Variants in ALK observed in about 807,000 individuals in gnomAD.
ALK encodes ALK tyrosine kinase receptor.
Under a neutral mutation model 163.1 loss-of-function variants are expected in ALK, and 74 were observed. The ratio of observed to expected loss-of-function variants is 0.45; its 90% confidence interval spans 0.38 to 0.55. The LOEUF is 0.55. Ranked by LOEUF, ALK falls within the 20% of genes least tolerant of loss-of-function variation. The pLI, the probability that ALK is intolerant of heterozygous loss-of-function variation, is 0.00. For missense variants in ALK, 2,063 were observed against 2,105.3 expected (o/e 0.98, Z 0.39); for synonymous variants, 960 against 843.2 (o/e 1.14, Z -2.40).
intron 5 of ALK, among the ~76,000 whole-genome samples, chr2:29,378,962 C>T (rs1298686167): frequency 6.6e-6 from 1 of 152,214 alleles, no homozygotes; most frequent in Non-Finnish European, 1.5e-5. Context: ...ATCCACCCAC[C>T]TTGGCCTCCC....
In ALK at chr2:29,920,633, G is replaced by C. The variant is rs4358080; in HGVS notation, c.27C>G (p.Leu9=). The C allele has an allele frequency of 0.91, 1,396,095 of 1,541,888 alleles. 632,759 individuals are homozygous for C. The highest frequency in any genetic ancestry group is 1 in the East Asian group (41,256 of 41,274). ...CTGCCGTGGAAAGCAGCAGCGGCAG[G>C]AGCCACAGGAGCCCGATGGCTCCCA... MGAIGLLW[L]LPLLLSTAAV... is the part of the protein sequence containing the mutation. The change falls in exon 1 of 29, where the codon CTC becomes CTG. Residue 9 remains leucine (L), a synonymous_variant. Coordinates refer to ENST00000389048, the MANE Select transcript of ALK (RefSeq NM_004304.5).
intron 8 of ALK, among the ~76,000 whole-genome samples, chr2:29,297,445 T>C (rs532457082): frequency 1.9e-4 from 29 of 152,348 alleles, no homozygotes; most frequent in Admixed American, 8.5e-4. Flanking sequence ...ATTTACTTTG[T>C]GACCTTGGAC....
chr2:29,776,263 T>C (rs1222874826), intron 1 of ALK, among the ~76,000 whole-genome samples: 2 of 146,444 alleles, frequency 1.4e-5, no homozygotes, highest in Non-Finnish European at 3.0e-5. Context: ...AGCTTCTTAC[T>C]CCCACAAGAC....
chr2:29,358,860 C>G (rs900886361), intron 5 of ALK, among the ~76,000 whole-genome samples: 1 of 152,118 alleles, frequency 6.6e-6, no homozygotes, highest in Non-Finnish European at 1.5e-5. Flanking sequence ...TACTACCTTA[C>G]CAGCTCTGTG....
intron 1 of ALK, among the ~76,000 whole-genome samples, chr2:29,738,407 G>C (rs970342941): frequency 3.3e-5 from 5 of 152,016 alleles, no homozygotes; most frequent in Non-Finnish European, 7.4e-5. Flanking sequence ...CCACATTTAT[G>C]TCTTGATGGC....
At chr2:29,232,209 C>T (rs1664230681) in intron 15 of ALK, 95 bp downstream of exon 15, 1 of 1,533,874 alleles carries the variant, frequency 6.5e-7, no homozygotes, top group Non-Finnish European at 9.0e-7. Context: ...TCCCAGGTGC[C>T]AGTGACTAAG....
intron 5 of ALK, among the ~76,000 whole-genome samples, chr2:29,344,265 G>A (rs954009045): frequency 6.6e-6 from 1 of 152,164 alleles, no homozygotes; most frequent in Non-Finnish European, 1.5e-5. Context: ...AAATCCTCTC[G>A]AGAGGACTAT....
At chr2:29,525,883 C>T (rs1672946436) in intron 4 of ALK, among the ~76,000 whole-genome samples, 1 of 151,496 alleles carries the variant, frequency 6.6e-6, no homozygotes, top group South Asian at 2.1e-4. Context: ...AGCTTGAGAC[C>T]TACTATGTTA....
At chr2:29,382,980 C>T (rs1230838070) in intron 5 of ALK, among the ~76,000 whole-genome samples, 2 of 152,196 alleles carry the variant, frequency 1.3e-5, no homozygotes, top group Non-Finnish European at 2.9e-5. Flanking sequence ...TCACACACCA[C>T]TTCCCAGAGG....
chr2:29,811,989 G>T (rs1664772254), intron 1 of ALK, among the ~76,000 whole-genome samples: 1 of 152,214 alleles, frequency 6.6e-6, no homozygotes, highest in South Asian at 2.1e-4. Context: ...AACACACATG[G>T]CAAAGATGAC....
At chr2:29,249,721 C>A (rs548884618) in intron 12 of ALK, among the ~76,000 whole-genome samples, 1 of 152,186 alleles carries the variant, frequency 6.6e-6, no homozygotes, top group Non-Finnish European at 1.5e-5. Flanking sequence ...GCAAGCATTC[C>A]TCTCCTCCTC....
chr2:29,480,576 C>A (rs11674712), intron 4 of ALK, among the ~76,000 whole-genome samples: 1 of 151,624 alleles, frequency 6.6e-6, no homozygotes, highest in South Asian at 2.1e-4. Flanking sequence ...CTTTTTATTG[C>A]CCCGTTGCCC....
At chr2:29,631,745 G>A (rs1676381605) in intron 3 of ALK, among the ~76,000 whole-genome samples, 3 of 152,246 alleles carry the variant, frequency 2.0e-5, no homozygotes, top group African/African-American at 7.2e-5. Context: ...AACCTGGCTT[G>A]AGAATAAAGA....
intron 1 of ALK, among the ~76,000 whole-genome samples, chr2:29,746,633 G>A (rs1404955012): frequency 6.6e-6 from 1 of 152,186 alleles, no homozygotes. Context: ...ATATGGTTTA[G>A]GTAACTTAGA....
chr2:29,875,696 T>A (rs1666687448), intron 1 of ALK, among the ~76,000 whole-genome samples: 1 of 152,222 alleles, frequency 6.6e-6, no homozygotes, highest in Non-Finnish European at 1.5e-5. Context: ...GGTTTTCTGT[T>A]GCTGTGTTAG....
At position 29,460,664 on chromosome 2, in the gene ALK, A is replaced by G. The variant is rs1318418271; in HGVS notation, c.1154+71251T>C. Among the ~76,000 whole-genome samples the G allele has an allele frequency of 2.0e-5, 3 of 152,150 alleles. 1 individual carries two copies. Among genetic ancestry groups the G allele is most frequent in the South Asian group, 4.1e-4 (2 of 4,830 alleles). ...ACGCCAAAATAAAACAGTGAATTTA[A>G]TCAATAAATGTTGTCTGACTGCTCC... On this transcript the variant is annotated intron_variant, in intron 4 of 28. Transcript: ENST00000389048.
At chr2:29,658,657 T>C (rs1032748214) in intron 3 of ALK, among the ~76,000 whole-genome samples, 3 of 152,190 alleles carry the variant, frequency 2.0e-5, no homozygotes, top group South Asian at 2.1e-4. Context: ...TTTCTAAAGA[T>C]GTGTAATATG....
chr2:29,203,483 G>T, intron 26 of ALK, among the ~76,000 whole-genome samples: 2 of 17,568 alleles, frequency 1.1e-4, no homozygotes, highest in Admixed American at 9.9e-4. Context: ...CTGAGGATGT[G>T]CCTTTTTTTT....
intron 5 of ALK, among the ~76,000 whole-genome samples, chr2:29,372,654 G>A (rs1355821339): frequency 6.6e-6 from 1 of 152,186 alleles, no homozygotes; most frequent in East Asian, 1.9e-4. Context: ...GGTACCACAG[G>A]ATGTAATGGA....
Sources: gnomAD v4.1 joint callset for allele counts (sites outside exome capture counted in the v4.1 genomes callset) on GRCh38, gnomAD v4.1.1 for gene constraint, MANE v1.5 for transcripts, NCBI Gene and HGNC (gene_info 2026-07-23, HGNC 2026-07-21) for gene names.